POT1: variants seen among roughly 807,000 people sequenced by gnomAD.
The protein encoded by POT1 is protection of telomeres protein 1.
In POT1, 47 loss-of-function variants were observed where a neutral mutation model predicts 78.5. The observed-to-expected ratio is 0.60, with a 90% CI of 0.47 to 0.76. The LOEUF is 0.76. Among genes scored for constraint, POT1 ranks in the 30% least tolerant of loss-of-function variants. The pLI, the probability that POT1 is intolerant of heterozygous loss-of-function variation, is 0.00. For missense variants in POT1, 646 were observed against 749.9 expected (o/e 0.86, Z 1.62); for synonymous variants, 259 against 260.7 (o/e 0.99, Z 0.06).
chr7:124,863,214 C>T lies in POT1; in HGVS notation c.546+136G>A, dbSNP rs148536960. The stretch of plus-strand genomic sequence containing the variant: ...GTAGAGCTGCATGAATATTGAGGCT[C>T]GTCAAAAATAGTTAAAATTTAAGTT... On this transcript the variant is annotated intron_variant, in intron 8 of 18. Transcript: ENST00000357628. 3.0e-3 allele frequency: 2,352 copies of T among 793,792 alleles called. 6 individuals are homozygous for T. The highest frequency in any genetic ancestry group is 6.1e-3 in the Middle Eastern group (16 of 2,616). 49.2% of individuals were successfully genotyped at this position (793,792 alleles called of 1,614,324 possible). A position where few individuals can be genotyped will look rare whatever the true frequency, so the allele number is the denominator to read the frequency against.
In POT1 at chr7:124,847,004, A is replaced by G; in HGVS notation, c.950-6T>C. ...TAATGATACTGATCCAGAGCCTATA[A>G]AAAGGAAAAGGCAAAAAAATTAAGT... On this transcript the variant is annotated splice_polypyrimidine_tract_variant and splice_region_variant and intron_variant, in intron 11 of 18. Coordinates refer to ENST00000357628, the MANE Select transcript of POT1 (RefSeq NM_015450.3). 1 of 1,595,750 alleles carries G rather than the reference A, an allele frequency of 6.3e-7. No individual in the cohort carries two copies. Among genetic ancestry groups the G allele is most frequent in the Non-Finnish European group, 8.6e-7 (1 of 1,164,634 alleles).
intron 2 of POT1, among the ~76,000 whole-genome samples, chr7:124,926,534 A>G (rs1797278568): frequency 6.6e-6 from 1 of 152,190 alleles, no homozygotes; most frequent in Non-Finnish European, 1.5e-5. Context: ...GAGTTTTCGA[A>G]TAACTAAAAA....
intron 6 of POT1, among the ~76,000 whole-genome samples, chr7:124,882,973 A>G (rs1226730350): frequency 1.3e-5 from 2 of 152,026 alleles, no homozygotes; most frequent in Admixed American, 6.6e-5. Flanking sequence ...ATGAAAATTG[A>G]TAGAATAGCT....
At position 124,892,303 on chromosome 7, in the gene POT1, C is replaced by T. The variant is rs1481759760; in HGVS notation, c.87G>A (p.Val29=). The change falls in exon 6 of 19, where the codon GTG becomes GTA. Residue 29 remains valine (V), a synonymous_variant. Transcript: ENST00000357628. ...TTAGATATGGGGGCTTAAAGAACTTCACAACACCATAGACATTGACAATTG... is the reference window on the plus strand; with the variant it reads ...TTAGATATGGGGGCTTAAAGAACTTTACAACACCATAGACATTGACAATTG... ...GGTIVNVYGV[V]KFFKPPYLSK... 32 of 1,546,776 alleles carry T rather than the reference C, an allele frequency of 2.1e-5. No individual in the cohort carries two copies. The highest frequency in any genetic ancestry group is 1.3e-4 in the Admixed American group (6 of 45,064).
chr7:124,925,161 A>C (rs563081235), intron 2 of POT1, among the ~76,000 whole-genome samples: 13 of 152,226 alleles, frequency 8.5e-5, no homozygotes, highest in African/African-American at 1.2e-4. Flanking sequence ...ATTGGGAAAG[A>C]AGTAGCAAAT....
intron 12 of POT1, among the ~76,000 whole-genome samples, chr7:124,846,526 T>C (rs1795171623): frequency 6.6e-6 from 1 of 152,048 alleles, no homozygotes; most frequent in Non-Finnish European, 1.5e-5. Context: ...TTGAGGCATA[T>C]TGCAAGGAGC....
At chr7:124,885,537 C>A (rs1230851347) in intron 6 of POT1, among the ~76,000 whole-genome samples, 1 of 151,912 alleles carries the variant, frequency 6.6e-6, no homozygotes, top group Non-Finnish European at 1.5e-5. Flanking sequence ...GAGGCCAAGG[C>A]AGGTGGATCA....
chr7:124,828,989 TG>T, intron 16 of POT1: 1 of 670,098 alleles, frequency 1.5e-6, no homozygotes, highest in Non-Finnish European at 2.8e-6. Flanking sequence ...AGAAAAGCAC[TG>T]GTAAAGTGGA....
chr7:124,852,318 C>T (rs1192685660), intron 10 of POT1, among the ~76,000 whole-genome samples: 1 of 152,082 alleles, frequency 6.6e-6, no homozygotes, highest in African/African-American at 2.4e-5. Context: ...TTTAATGTCA[C>T]ACTAATTCCA....
chr7:124,879,366 A>G (rs1197270578), intron 6 of POT1, among the ~76,000 whole-genome samples: 3 of 152,140 alleles, frequency 2.0e-5, no homozygotes, highest in African/African-American at 7.2e-5. Context: ...AAAAAACGGT[A>G]GCTAGGGAAA....
intron 2 of POT1, among the ~76,000 whole-genome samples, chr7:124,925,306 C>G (rs1201767610): frequency 6.6e-6 from 1 of 151,918 alleles, no homozygotes; most frequent in African/African-American, 2.4e-5. Flanking sequence ...TGTTTCTATA[C>G]ATCAATAAAA....
intron 15 of POT1, among the ~76,000 whole-genome samples, chr7:124,832,685 G>GT (rs1410439945): frequency 2.0e-5 from 3 of 152,106 alleles, no homozygotes; most frequent in Non-Finnish European, 4.4e-5. Context: ...GGTGTTAGTG[G>GT]TGCATGCCTG....
chr7:124,917,635 A>G (rs1352345208), intron 2 of POT1, among the ~76,000 whole-genome samples: 1 of 152,188 alleles, frequency 6.6e-6, no homozygotes, highest in Non-Finnish European at 1.5e-5. Flanking sequence ...CAATCAAGAG[A>G]ACCACAATCA....
chr7:124,883,109 AAG>A (rs746096655), intron 6 of POT1, among the ~76,000 whole-genome samples: 29 of 152,152 alleles, frequency 1.9e-4, no homozygotes, highest in Non-Finnish European at 3.5e-4. Flanking sequence ...AGCATCTGGG[AAG>A]AGTCTCCCCT....
chr7:124,863,406 G>C lies in POT1; in HGVS notation c.490C>G (p.Leu164Val), dbSNP rs1795646395. 1.2e-6 allele frequency: 2 copies of C among 1,613,900 alleles called. No individual in the cohort carries two copies. Among genetic ancestry groups the C allele is most frequent in the East Asian group, 4.5e-5 (2 of 44,870 alleles). Residue 164 changes from leucine (L) to valine (V), a missense_variant, in exon 8 of 19, where the codon CTG becomes GTG. Leu to Val is a conservative substitution (Grantham distance 32). Transcript: ENST00000357628. ...CDVQPMQYFD[L>V]TCQLLGKAEV... Reference sequence around the variant, plus strand: ...GCTTTGCCCAAGAGCTGACAAGTCAGGTCAAAATACTGCATTGGCTGAACA... The same window carrying C: ...GCTTTGCCCAAGAGCTGACAAGTCACGTCAAAATACTGCATTGGCTGAACA...
At chr7:124,922,366 A>G (rs1221627169) in intron 2 of POT1, among the ~76,000 whole-genome samples, 1 of 152,078 alleles carries the variant, frequency 6.6e-6, no homozygotes, top group African/African-American at 2.4e-5. Flanking sequence ...TCCTTCTTTT[A>G]ATTTCCTTAA....
chr7:124,859,226 G>T, intron 8 of POT1, 114 bp from the exon 9 acceptor site: 1 of 640,452 alleles, frequency 1.6e-6, no homozygotes, highest in Non-Finnish European at 2.4e-6. Context: ...TCTGAATATT[G>T]GCACTATTTT....
At chr7:124,925,659 A>C (rs781239763) in intron 2 of POT1, among the ~76,000 whole-genome samples, 73 of 152,270 alleles carry the variant, frequency 4.8e-4, no homozygotes, top group Non-Finnish European at 1.3e-4. Context: ...AAGCAATCCT[A>C]ATCAAAAAGA....
At chr7:124,888,894 C>CT (rs1796305605) in intron 6 of POT1, among the ~76,000 whole-genome samples, 2 of 151,344 alleles carry the variant, frequency 1.3e-5, no homozygotes, top group African/African-American at 4.9e-5. Context: ...CTGTCATTCC[C>CT]CTCTCCCTCT....
Sources: gnomAD v4.1 joint callset for allele counts (sites outside exome capture counted in the v4.1 genomes callset) on GRCh38, gnomAD v4.1.1 for gene constraint, MANE v1.5 for transcripts, NCBI Gene and HGNC (gene_info 2026-07-23, HGNC 2026-07-21) for gene names.